The following NAA15 variants were observed in gnomAD, a reference collection of about 807,000 sequenced individuals.
NAA15 encodes the protein N-alpha-acetyltransferase 15, NatA auxiliary subunit.
A neutral mutation model predicts 114.0 loss-of-function variants in NAA15; 34 were observed. That is an observed-to-expected ratio of 0.30 (90% CI 0.23 to 0.40). The LOEUF (loss-of-function observed/expected upper bound fraction) is 0.40. Ranked by LOEUF, NAA15 falls within the 10% of genes least tolerant of loss-of-function variation. NAA15 has a pLI of 1.00. For synonymous variants in NAA15, 340 were observed against 338.0 expected, an observed-to-expected ratio of 1.01 and a Z score of -0.06; for missense variants, 658 against 1,004.5, an observed-to-expected ratio of 0.66 and a Z score of 4.66.
Position 139,384,894 on chromosome 4 carries a change from C to T in NAA15, c.2218C>T (p.Arg740Cys), listed in dbSNP as rs1178625499. ...AACAGTATTAAAACAAGAAATGAATCGTCTTTTTGGAGCAACGAATCCAAA... is the reference window on the plus strand; with the variant it reads ...AACAGTATTAAAACAAGAAATGAATTGTCTTTTTGGAGCAACGAATCCAAA... ...VRTVLKQEMN[R>C]LFGATNPKNF... Residue 740 changes from arginine to cysteine, a missense_variant, in exon 18 of 20, where the codon CGT (arginine) becomes TGT (cysteine). Coordinates refer to ENST00000296543, the MANE Select transcript of NAA15 (RefSeq NM_057175.5). 1.9e-6 allele frequency: 3 copies of T among 1,551,046 alleles called. No individual in the cohort carries two copies. Among genetic ancestry groups the T allele is most frequent in the East Asian group, 2.4e-5 (1 of 41,964 alleles).
chr4:139,346,020 G>C (rs754312712), intron 6 of NAA15, among the ~76,000 whole-genome samples: 1 of 152,156 alleles, frequency 6.6e-6, no homozygotes, highest in Admixed American at 6.6e-5. Flanking sequence ...GGTGCCGGTA[G>C]GTGAAATGGG....
intron 13 of NAA15, among the ~76,000 whole-genome samples, chr4:139,361,515 G>A (rs1179213180): frequency 1.3e-5 from 2 of 152,136 alleles, no homozygotes; most frequent in Non-Finnish European, 2.9e-5. Flanking sequence ...TTCTGTGCCT[G>A]CAGTATGCCA....
rs1389164527 is a variant in NAA15 at position 139,371,497 on chromosome 4, G to GCGCACA, written c.1947+1094_1947+1095insGCACAC. 3.8e-3 allele frequency among the ~76,000 whole-genome samples: 435 copies of GCGCACA among 113,668 alleles called. 4 individuals are homozygous for GCGCACA. Among genetic ancestry groups the GCGCACA allele is most frequent in the African/African-American group, 9.3e-3 (294 of 31,714 alleles). 74.6% of individuals were successfully genotyped at this position (113,668 alleles called of 152,430 possible). Reference sequence around the variant, plus strand: ...CTTAAAAAAAAAAAAAAGAAAAGTAGCACACACACACACACACACACACAC... The same window carrying GCGCACA: ...CTTAAAAAAAAAAAAAAGAAAAGTAGCGCACACACACACACACACACACACACACAC... On this transcript the variant is annotated intron_variant, in intron 15 of 19. Transcript: ENST00000296543.
chr4:139,305,242 A>C (rs984510099), intron 1 of NAA15, among the ~76,000 whole-genome samples: 15 of 152,242 alleles, frequency 9.9e-5, no homozygotes, highest in African/African-American at 3.6e-4. Context: ...CCAAAATCAC[A>C]GTGCTGAAGA....
intron 1 of NAA15, among the ~76,000 whole-genome samples, chr4:139,328,861 C>T (rs576298871): frequency 2.6e-5 from 4 of 151,050 alleles, no homozygotes; most frequent in East Asian, 1.9e-4. Context: ...CCACTGTGCC[C>T]GGCCTTCTTT....
chr4:139,319,217 C>T (rs1452375738), intron 1 of NAA15, among the ~76,000 whole-genome samples: 1 of 152,176 alleles, frequency 6.6e-6, no homozygotes, highest in East Asian at 1.9e-4. Context: ...TCGTTTAAAC[C>T]CGTGAGGCGG....
chr4:139,360,055 A>G (rs1258117987), intron 12 of NAA15, among the ~76,000 whole-genome samples, 160 bp downstream of exon 12: 2 of 152,224 alleles, frequency 1.3e-5, no homozygotes, highest in African/African-American at 4.8e-5. Context: ...TGGAGTCAAC[A>G]TTGATATAAA....
chr4:139,302,725 G>A (rs1745847798), intron 1 of NAA15, among the ~76,000 whole-genome samples: 1 of 152,246 alleles, frequency 6.6e-6, no homozygotes, highest in South Asian at 2.1e-4. Context: ...CGCTAGCTCA[G>A]ACTTATTCCC....
intron 9 of NAA15, among the ~76,000 whole-genome samples, chr4:139,352,677 T>TC (rs1465957787): frequency 1.8e-4 from 27 of 147,308 alleles, no homozygotes; most frequent in Admixed American, 7.4e-4. Context: ...TTTTTTTTTT[T>TC]TTTTTTTGAG....
intron 1 of NAA15, 137 bp downstream of exon 1, chr4:139,301,968 C>T (rs1745780573): frequency 5.5e-6 from 5 of 905,374 alleles, no homozygotes; most frequent in Non-Finnish European, 8.3e-6. Flanking sequence ...AGGCCGAATG[C>T]ATTGCTTTGC....
At chr4:139,358,122 A>G (rs1579120615) in intron 11 of NAA15, among the ~76,000 whole-genome samples, 1 of 152,118 alleles carries the variant, frequency 6.6e-6, no homozygotes, top group South Asian at 2.1e-4. Flanking sequence ...ATAAACCAGT[A>G]ATTTGTTTAG....
intron 15 of NAA15, among the ~76,000 whole-genome samples, chr4:139,376,060 T>C (rs945593056): frequency 2.0e-5 from 3 of 152,208 alleles, no homozygotes; most frequent in African/African-American, 7.2e-5. Context: ...CTCTTCTTTC[T>C]TCCCCCTTGG....
Position 139,388,599 on chromosome 4 carries a change from A to G in NAA15, c.*515A>G, listed in dbSNP as rs1454625811. 1 of 154,722 alleles carries G rather than the reference A, an allele frequency of 6.5e-6. No individual in the cohort carries two copies. Among genetic ancestry groups the G allele is most frequent in the African/African-American group, 2.4e-5 (1 of 41,464 alleles). 9.6% of individuals were successfully genotyped at this position (154,722 alleles called of 1,614,324 possible). On this transcript the variant is annotated 3_prime_UTR_variant, in exon 20 of 20. Transcript: ENST00000296543. ...GTATGCAATGTGAATCACTATTTAC[A>G]GAGAAACCTACAACAGATGCTTGAT...
intron 14 of NAA15, among the ~76,000 whole-genome samples, chr4:139,366,378 A>G (rs1225732087): frequency 3.9e-5 from 6 of 152,164 alleles, no homozygotes; most frequent in Admixed American, 3.9e-4. Context: ...GTTTCTGAAG[A>G]CATGGTAGCT....
intron 3 of NAA15, 127 bp downstream of exon 3, chr4:139,337,079 A>C (rs1747223372): frequency 2.2e-6 from 1 of 455,042 alleles, no homozygotes; most frequent in Non-Finnish European, 3.9e-6. Context: ...TAAATAGGGT[A>C]ACAGCAACTG....
intron 11 of NAA15, among the ~76,000 whole-genome samples, chr4:139,358,139 A>G (rs950936832): frequency 6.6e-6 from 1 of 152,102 alleles, no homozygotes; most frequent in African/African-American, 2.4e-5. Context: ...TTAGCAAGAA[A>G]ATAATGAAAT....
intron 6 of NAA15, among the ~76,000 whole-genome samples, chr4:139,348,234 A>C (rs1350806582): frequency 6.6e-6 from 1 of 152,072 alleles, no homozygotes; most frequent in Admixed American, 6.6e-5. Context: ...TGGGTGGATC[A>C]CTTGAGTCTA....
intron 12 of NAA15, 129 bp downstream of exon 12, chr4:139,360,024 A>C (rs533897873): frequency 4.8e-6 from 4 of 824,838 alleles, no homozygotes; most frequent in Non-Finnish European, 7.1e-6. Context: ...ATTTTAATTA[A>C]ATCACTGTAT....
At position 139,349,486 on chromosome 4, in the gene NAA15, G is replaced by A. The variant is rs370432537; in HGVS notation, c.716G>A (p.Arg239His). 9.7e-5 allele frequency: 156 copies of A among 1,602,528 alleles called. No homozygotes were observed. Among genetic ancestry groups the A allele is most frequent in the Non-Finnish European group, 1.2e-4 (141 of 1,176,398 alleles). ...GGGGAACTTCTGTTGCAACTATGTC[G>A]TTTGGAAGATGCTGCAGATGTTTAT... ...TKGELLLQLC[R>H]LEDAADVYRG... is the part of the protein sequence containing the mutation. Residue 239 changes from arginine to histidine, a missense_variant, in exon 7 of 20, where the codon CGT (arginine) becomes CAT (histidine). Around this residue, in one of 6 missense-constraint regions of NAA15, gnomAD observed 281 missense variants for 389.1 expected, o/e 0.72. Coordinates refer to ENST00000296543, the MANE Select transcript of NAA15 (RefSeq NM_057175.5).
Sources: gnomAD v4.1 joint callset for allele counts (sites outside exome capture counted in the v4.1 genomes callset) on GRCh38, gnomAD v4.1.1 for gene constraint, gnomAD v4.1.1 regional missense constraint, MANE v1.5 for transcripts, NCBI Gene and HGNC (gene_info 2026-07-23, HGNC 2026-07-21) for gene names.